The following CFAP70 variants were observed in gnomAD, a reference collection of about 807,000 sequenced individuals.
The protein encoded by CFAP70 is cilia- and flagella-associated protein 70.
Under a neutral mutation model 137.6 loss-of-function variants are expected in CFAP70, and 81 were observed. The ratio of observed to expected loss-of-function variants is 0.59; its 90% confidence interval spans 0.49 to 0.71. The LOEUF is 0.71. Ranked by LOEUF, CFAP70 falls within the 30% of genes least tolerant of loss-of-function variation. CFAP70 has a pLI of 0.00. For missense variants in CFAP70, 976 were observed against 1,226.7 expected (o/e 0.80, Z 3.05); for synonymous variants, 382 against 423.6 (o/e 0.90, Z 1.20).
intron 4 of CFAP70, among the ~76,000 whole-genome samples, chr10:73,346,200 T>C (rs113345999): frequency 2.6e-5 from 4 of 152,042 alleles, no homozygotes; most frequent in African/African-American, 9.7e-5. Flanking sequence ...CCCAGCCTAT[T>C]TTTGTAATTT....
chr10:73,293,324 A>C (rs1034943817), exon 16 of CFAP70: 4 of 1,612,404 alleles, frequency 2.5e-6, no homozygotes, highest in Non-Finnish European at 3.4e-6. Flanking sequence ...AAATGCAAAG[A>C]GTTGAAGCTG....
chr10:73,289,984 G>A (rs1280942158), intron 19 of CFAP70, among the ~76,000 whole-genome samples: 1 of 148,444 alleles, frequency 6.7e-6, no homozygotes, highest in Non-Finnish European at 1.5e-5. Context: ...GGCAGAGGTT[G>A]CAGTGAGCCA....
In CFAP70 at chr10:73,345,255, A is replaced by C. The variant is rs1284512590; in HGVS notation, c.350-141T>G. The C allele has an allele frequency of 6.2e-7, 1 of 1,606,364 alleles. No homozygotes were observed. On this transcript the variant is annotated intron_variant, in intron 4 of 26. Transcript: ENST00000310715. ...TTCAAGACTGCACTGCTGTAAAAGA[A>C]TAAAATTATGCAGCATTTTGAAAAT...
At chr10:73,285,722 T>A (rs1437530129) in intron 19 of CFAP70, among the ~76,000 whole-genome samples, 6 of 151,172 alleles carry the variant, frequency 4.0e-5, no homozygotes, top group African/African-American at 1.5e-4. Context: ...GCAACCTTTG[T>A]CTCCTGGGTT....
At chr10:73,277,172 C>A in intron 21 of CFAP70, 68 bp downstream of exon 22, 1 of 1,487,966 alleles carries the variant, frequency 6.7e-7, no homozygotes, top group South Asian at 1.4e-5. Flanking sequence ...TGAAAGATAC[C>A]ATTATGGATA....
intron 6 of CFAP70, among the ~76,000 whole-genome samples, chr10:73,340,914 G>GGCAGCT (rs1229796146): frequency 6.6e-6 from 1 of 152,140 alleles, no homozygotes; most frequent in Non-Finnish European, 1.5e-5. Flanking sequence ...GCTGTGGTTG[G>GGCAGCT]GCAGCTGCAG....
intron 3 of CFAP70, among the ~76,000 whole-genome samples, chr10:73,351,465 A>C (rs1019923246): frequency 5.4e-5 from 8 of 146,792 alleles, no homozygotes; most frequent in Non-Finnish European, 1.1e-4. Context: ...AGAAAGTCTC[A>C]CTGTGTCACT....
intron 7 of CFAP70, among the ~76,000 whole-genome samples, chr10:73,332,583 A>C (rs1207910579): frequency 6.6e-6 from 1 of 152,182 alleles, no homozygotes; most frequent in Non-Finnish European, 1.5e-5. Context: ...AGGTTATAGA[A>C]TACTTCTCCC....
chr10:73,314,960 T>A (rs2050216244), intron 9 of CFAP70, among the ~76,000 whole-genome samples: 1 of 147,644 alleles, frequency 6.8e-6, no homozygotes, highest in South Asian at 2.4e-4. Context: ...ACACCTGTAA[T>A]CCCAGCACTT....
chr10:73,316,489 T>TATATATAG (rs2050375704), intron 9 of CFAP70, among the ~76,000 whole-genome samples: 1 of 103,964 alleles, frequency 9.6e-6, no homozygotes, highest in Non-Finnish European at 2.0e-5. Flanking sequence ...TAGATATAGA[T>TATATATAG]ATATATATAT....
intron 7 of CFAP70, 103 bp downstream of exon 8, chr10:73,335,327 A>G (rs966473340): frequency 1.2e-5 from 8 of 687,578 alleles, no homozygotes; most frequent in Admixed American, 2.8e-5. Context: ...GTCTCAATCT[A>G]AAATCACCTT....
chr10:73,257,996 G>A (rs561680981), intron 25 of CFAP70, among the ~76,000 whole-genome samples: 1 of 151,398 alleles, frequency 6.6e-6, no homozygotes, highest in Non-Finnish European at 1.5e-5. Flanking sequence ...GGGTTCAAGC[G>A]ATTCTCCTGC....
upstream of CFAP70, chr10:73,358,988 G>A (rs1186305383): frequency 1.3e-5 from 2 of 152,152 alleles, no homozygotes; most frequent in African/African-American, 4.8e-5. Context: ...TTGCTTTCTC[G>A]ACTCTTTGAT....
chr10:73,292,115 GCA>G (rs2048220366), intron 16 of CFAP70, 101 bp from the exon 18 acceptor site: 1 of 1,412,036 alleles, frequency 7.1e-7, no homozygotes, highest in Non-Finnish European at 9.7e-7. Flanking sequence ...TTCTATGAAA[GCA>G]CAGATTGTGA....
intron 19 of CFAP70, among the ~76,000 whole-genome samples, chr10:73,281,839 CA>C (rs1361397347): frequency 6.6e-6 from 1 of 152,162 alleles, no homozygotes; most frequent in African/African-American, 2.4e-5. Context: ...ATGTCTTTTG[CA>C]GCAACACGGA....
chr10:73,290,210 G>T (rs1372292429), intron 19 of CFAP70, among the ~76,000 whole-genome samples: 1 of 152,076 alleles, frequency 6.6e-6, no homozygotes, highest in East Asian at 1.9e-4. Context: ...ATGAAATATT[G>T]ATATAAGCAA....
At chr10:73,317,501 GTCTCTCTCTTTCATTTGACTATATATAA>G (rs1474919330) in intron 9 of CFAP70, among the ~76,000 whole-genome samples, 1 of 152,054 alleles carries the variant, frequency 6.6e-6, no homozygotes, top group Non-Finnish European at 1.5e-5. Flanking sequence ...TGTTCTCTTT[GTCTCTCTCTTTCATTTGACTATATATAA>G]TGTGTATATT....
At chr10:73,299,237 G>T in intron 13 of CFAP70, 136 bp from the exon 15 acceptor site, 1 of 704,086 alleles carries the variant, frequency 1.4e-6, no homozygotes, top group Non-Finnish European at 2.3e-6. Flanking sequence ...TTAGAGACAA[G>T]GTCTCTCTCG....
chr10:73,309,554 G>A (rs1589432883), intron 12 of CFAP70, among the ~76,000 whole-genome samples: 1 of 151,708 alleles, frequency 6.6e-6, no homozygotes, highest in African/African-American at 2.4e-5. Context: ...TGATCCTCTC[G>A]CCTTGGCCTT....
Sources: allele counts gnomAD v4.1 joint callset (sites outside exome capture counted in the v4.1 genomes callset), GRCh38; gene constraint gnomAD v4.1.1; transcripts MANE v1.5; gene names NCBI Gene and HGNC (gene_info 2026-07-23, HGNC 2026-07-21).